Variants in ANK2 observed in about 807,000 individuals in gnomAD.
ANK2 encodes the protein ankyrin 2.
In ANK2, 83 loss-of-function variants were observed where a neutral mutation model predicts 360.5. That is an observed-to-expected ratio of 0.23 (90% CI 0.19 to 0.28). ANK2 has a LOEUF of 0.28. ANK2 is among the 10% of genes least tolerant of loss of function. The pLI, the probability that ANK2 is intolerant of heterozygous loss-of-function variation, is 1.00. For synonymous variants in ANK2, 1,740 were observed against 1,759.5 expected (o/e 0.99, Z 0.28); for missense variants, 4,201 against 4,795.7 (o/e 0.88, Z 3.66).
intron 23 of ANK2, among the ~76,000 whole-genome samples, chr4:113,304,781 A>G (rs1378263839): frequency 6.6e-6 from 1 of 152,216 alleles, no homozygotes; most frequent in Admixed American, 6.5e-5. Context: ...GAAATAAAGT[A>G]ACATTTAAAA....
intron 1 of ANK2, among the ~76,000 whole-genome samples, chr4:113,087,025 A>C (rs1482278746): frequency 6.6e-6 from 1 of 152,216 alleles, no homozygotes; most frequent in African/African-American, 2.4e-5. Flanking sequence ...GACAGTTCTT[A>C]ACTTCAAAAA....
chr4:112,763,471 A>G, the ANK2 span, among the ~76,000 whole-genome samples: 5 of 150,816 alleles, frequency 3.3e-5, no homozygotes, highest in Non-Finnish European at 7.4e-5. Context: ...TGACCTCGTG[A>G]TCTGCCTGCC....
chr4:113,333,244 A>G, intron 29 of ANK2, 36 bp downstream of exon 29: 1 of 1,612,580 alleles, frequency 6.2e-7, no homozygotes, highest in Non-Finnish European at 8.5e-7. Flanking sequence ...AGAAATCTAA[A>G]CTGGAAGCAT....
the ANK2 span, among the ~76,000 whole-genome samples, chr4:112,720,122 T>G: frequency 6.6e-6 from 1 of 152,212 alleles, no homozygotes; most frequent in African/African-American, 2.4e-5. Flanking sequence ...AACATTAATG[T>G]CAACCAGGGT....
At chr4:113,112,439 G>C (rs13121087) in intron 1 of ANK2, among the ~76,000 whole-genome samples, 2 of 152,148 alleles carry the variant, frequency 1.3e-5, no homozygotes, top group African/African-American at 2.4e-5. Context: ...GACAGAATGT[G>C]TATGGAAATG....
chr4:112,841,052 T>C (rs1354611197), intron 1 of ANK2, among the ~76,000 whole-genome samples: 1 of 152,226 alleles, frequency 6.6e-6, no homozygotes, highest in Non-Finnish European at 1.5e-5. Context: ...CCTTCTTAAA[T>C]GCCTTCAGGG....
intron 1 of ANK2, among the ~76,000 whole-genome samples, chr4:113,152,800 C>T (rs2097144615): frequency 6.6e-6 from 1 of 151,856 alleles, no homozygotes; most frequent in Admixed American, 6.6e-5. Flanking sequence ...ATTTGGGAGG[C>T]TGAGCTGGGA....
chr4:113,372,436 TA>T, intron 43 of ANK2: 1 of 749,156 alleles, frequency 1.3e-6, no homozygotes, highest in Non-Finnish European at 2.1e-6. Context: ...CCTCCATGAA[TA>T]AAAGTTTCAC....
chr4:113,261,561 T>C (rs1311579030), intron 13 of ANK2, among the ~76,000 whole-genome samples: 1 of 152,176 alleles, frequency 6.6e-6, no homozygotes, highest in African/African-American at 2.4e-5. Flanking sequence ...TTCATTTTCT[T>C]ATTTATTCTT....
chr4:112,754,947 C>G, the ANK2 span, among the ~76,000 whole-genome samples: 1 of 152,278 alleles, frequency 6.6e-6, no homozygotes. Context: ...TTTTTTACCT[C>G]AAACTCTTAT....
In ANK2 at chr4:113,117,799, C is replaced by CT. The variant is rs1346263087; in HGVS notation, c.85-56616dup. On this transcript the variant is annotated intron_variant, in intron 1 of 45. Coordinates refer to ENST00000357077, the MANE Select transcript of ANK2 (RefSeq NM_001148.6). ...ATTTTCTTCTTCTTGTTCCTCATCT[C>CT]TATTACTCTATCTTTAGCAGTGTGT... Among the ~76,000 whole-genome samples, 15 of 152,256 alleles carry CT rather than the reference C, an allele frequency of 9.9e-5. No individual in the cohort carries two copies. In the East Asian group the frequency reaches 2.9e-3, roughly 29 times the overall value.
rs755519928 is a variant in ANK2, at chr4:113,357,153, A to G, written c.8535A>G (p.Ser2845=). 2.5e-6 allele frequency: 4 copies of G among 1,614,164 alleles called. 1 individual carries two copies. Among genetic ancestry groups the G allele is most frequent in the East Asian group, 2.2e-5 (1 of 44,882 alleles). ...CAGATTGCCCCAGTGAAAGCTTTTCATCTTCATCCTCTTTGCCTCATTGTT... is the reference window on the plus strand; with the variant it reads ...CAGATTGCCCCAGTGAAAGCTTTTCGTCTTCATCCTCTTTGCCTCATTGTT... ...PQADCPSESF[S]SSSSLPHCLV... is the part of the protein sequence containing the mutation. The change falls in exon 38 of 46, where the codon TCA becomes TCG. Residue 2845 remains serine, a synonymous_variant. Transcript: ENST00000357077.
chr4:113,074,087 C>T (rs754745172), intron 1 of ANK2, among the ~76,000 whole-genome samples: 7 of 152,232 alleles, frequency 4.6e-5, no homozygotes, highest in East Asian at 1.9e-4. Flanking sequence ...AATTTTTTTA[C>T]GTGAAGGATT....
upstream of ANK2, among the ~76,000 whole-genome samples, chr4:113,048,502 T>C (rs1376114386): frequency 1.3e-5 from 2 of 148,548 alleles, no homozygotes; most frequent in Admixed American, 1.4e-4. Context: ...GTCGAGCTCC[T>C]CACCTTGCGA....
chr4:112,856,944 G>T (rs1307628056), intron 1 of ANK2, among the ~76,000 whole-genome samples: 1 of 152,190 alleles, frequency 6.6e-6, no homozygotes, highest in African/African-American at 2.4e-5. Context: ...GACATCAAGG[G>T]TCAGGGGGTT....
intron 24 of ANK2, among the ~76,000 whole-genome samples, chr4:113,316,015 C>T (rs2082789323): frequency 6.6e-6 from 1 of 152,020 alleles, no homozygotes. Flanking sequence ...TTATCCATTC[C>T]ACCAGCTGAG....
At chr4:112,712,759 C>T in the ANK2 span, among the ~76,000 whole-genome samples, 12 of 152,090 alleles carry the variant, frequency 7.9e-5, no homozygotes, top group African/African-American at 2.9e-4. Flanking sequence ...AGTTACAGCA[C>T]AGGAAAATTT....
intron 2 of ANK2, among the ~76,000 whole-genome samples, chr4:112,940,343 A>G (rs1001214581): frequency 2.0e-5 from 3 of 152,168 alleles, no homozygotes; most frequent in Non-Finnish European, 4.4e-5. Flanking sequence ...ATAAGCCTAA[A>G]ACTGTGCTAG....
chr4:113,207,463 A>C lies in ANK2; in HGVS notation c.384+8354A>C, dbSNP rs192627509. ...AATGGTCTCCAAGTTCTGTTAATAG[A>C]AATAGACTTCAAATTTTACATAAGA... On this transcript the variant is annotated intron_variant, in intron 4 of 45. Coordinates refer to ENST00000357077, the MANE Select transcript of ANK2 (RefSeq NM_001148.6). Among the ~76,000 whole-genome samples the C allele has an allele frequency of 1.6e-3, 246 of 152,322 alleles. 1 individual carries two copies. Among genetic ancestry groups the C allele is most frequent in the Non-Finnish European group, 2.3e-3 (158 of 68,028 alleles).
Sources: allele counts gnomAD v4.1 joint callset (sites outside exome capture counted in the v4.1 genomes callset), GRCh38; gene constraint gnomAD v4.1.1; transcripts MANE v1.5; gene names NCBI Gene and HGNC (gene_info 2026-07-23, HGNC 2026-07-21).